Variants in KIAA0825 observed in about 807,000 individuals in gnomAD.
KIAA0825 encodes KIAA0825, also known as uncharacterized protein KIAA0825.
Under a neutral mutation model 147.6 loss-of-function variants are expected in KIAA0825, and 119 were observed. That is an observed-to-expected ratio of 0.81 (90% confidence interval 0.69 to 0.94). KIAA0825 has a LOEUF of 0.94. KIAA0825 is among the 40% of genes least tolerant of loss of function. The pLI, the probability that KIAA0825 is intolerant of heterozygous loss-of-function variation, is 0.00. For synonymous variants in KIAA0825, 470 were observed against 518.1 expected (o/e 0.91, Z 1.26); for missense variants, 1,381 against 1,472.7 (o/e 0.94, Z 1.02).
intron 6 of KIAA0825, among the ~76,000 whole-genome samples, chr5:94,478,211 T>A (rs1174211518): frequency 1.3e-5 from 2 of 152,234 alleles, no homozygotes; most frequent in African/African-American, 2.4e-5. Flanking sequence ...TTTGTTCTGA[T>A]GTTAATTTCA....
At chr5:94,371,446 T>C (rs1746694961) in intron 20 of KIAA0825, among the ~76,000 whole-genome samples, 1 of 152,202 alleles carries the variant, frequency 6.6e-6, no homozygotes, top group South Asian at 2.1e-4. Context: ...CTCACTGTTC[T>C]GCAGGGCTGG....
chr5:94,577,379 T>G (rs1160082491), intron 2 of KIAA0825, among the ~76,000 whole-genome samples: 1 of 152,146 alleles, frequency 6.6e-6, no homozygotes, highest in Non-Finnish European at 1.5e-5. Flanking sequence ...GTTGCAAAAA[T>G]GAATGTGAAG....
chr5:94,220,362 A>ATT (rs544030847), intron 20 of KIAA0825, among the ~76,000 whole-genome samples: 2 of 149,772 alleles, frequency 1.3e-5, no homozygotes, highest in Non-Finnish European at 3.0e-5. Context: ...TACAGTTAAC[A>ATT]TTTTTTTTTT....
chr5:94,477,140 G>C lies in KIAA0825; in HGVS notation c.1198C>G (p.Pro400Ala). The C allele has an allele frequency of 6.5e-7, 1 of 1,550,362 alleles. No homozygotes were observed. Among genetic ancestry groups the C allele is most frequent in the Non-Finnish European group, 8.7e-7 (1 of 1,146,612 alleles). The change falls in exon 7 of 21, where the codon CCT (proline) becomes GCT (alanine). Residue 400 changes from proline (P) to alanine (A), a missense_variant. By Grantham distance (27) the Pro-to-Ala change is conservative (BLOSUM62 -1). Coordinates refer to ENST00000682413, the MANE Select transcript of KIAA0825 (RefSeq NM_001145678.3). ...TTTCCTGGTAGTGATTGCTCGGAAG[G>C]AATATTGGTTTCGTTTGCTCTAGGT... ...EKPRANETNI[P>A]SEQSLPGKEA...
At chr5:94,489,031 C>T (rs1362752) in intron 5 of KIAA0825, among the ~76,000 whole-genome samples, 152,191 of 152,348 alleles carry the variant, frequency 1, 76,018 homozygotes, top group Middle Eastern at 1. Context: ...ATCTGCCTTA[C>T]AGATTTTCCT....
chr5:94,569,233 T>C (rs1346611215), intron 2 of KIAA0825: 1 of 238,872 alleles, frequency 4.2e-6, no homozygotes, highest in African/African-American at 2.3e-5. Context: ...TGCCTCAGGA[T>C]ACTCCTCAAT....
At chr5:94,367,517 G>C (rs552196972) in intron 20 of KIAA0825, among the ~76,000 whole-genome samples, 1 of 152,142 alleles carries the variant, frequency 6.6e-6, no homozygotes, top group African/African-American at 2.4e-5. Context: ...AATAGAAATA[G>C]GGATAAGAAA....
chr5:94,503,065 C>CA lies in KIAA0825; in HGVS notation c.970+17182dup, dbSNP rs34563969. Among the ~76,000 whole-genome samples, 208 of 142,282 alleles carry CA rather than the reference C, an allele frequency of 1.5e-3. 1 individual carries two copies. Among genetic ancestry groups the CA allele is most frequent in the African/African-American group, 4.4e-3 (169 of 38,744 alleles). The allele number at this position is 142,282 out of a possible 152,430, so 93.3% of individuals were successfully genotyped here. A position where few individuals can be genotyped will look rare whatever the true frequency, so the allele number is the denominator to read the frequency against. Reference sequence around the variant, plus strand: ...CAGAGGTTGCAGTGAGACTCCATCTCAAAAAAAAATATATATATATATGAT... The same window carrying CA: ...CAGAGGTTGCAGTGAGACTCCATCTCAAAAAAAAAATATATATATATATGAT... On this transcript the variant is annotated intron_variant, in intron 5 of 20. Transcript: ENST00000682413.
chr5:94,445,896 C>G (rs965946937), intron 13 of KIAA0825, among the ~76,000 whole-genome samples: 1 of 152,194 alleles, frequency 6.6e-6, no homozygotes, highest in Non-Finnish European at 1.5e-5. Context: ...TCTCTCATTA[C>G]TTCTCCACTG....
At chr5:94,287,797 T>G (rs1287598769) in intron 20 of KIAA0825, among the ~76,000 whole-genome samples, 1 of 152,200 alleles carries the variant, frequency 6.6e-6, no homozygotes, top group East Asian at 1.9e-4. Context: ...TGATGAATTT[T>G]TAAGTGATCT....
chr5:94,617,558 C>G (rs1251273224), intron 1 of KIAA0825, among the ~76,000 whole-genome samples: 2 of 152,094 alleles, frequency 1.3e-5, no homozygotes, highest in African/African-American at 2.4e-5. Flanking sequence ...GTACCTACAA[C>G]TCTTTCGGGA....
intron 5 of KIAA0825, among the ~76,000 whole-genome samples, chr5:94,502,259 TGAGAA>T (rs1471848957): frequency 1.3e-5 from 2 of 152,166 alleles, no homozygotes; most frequent in East Asian, 3.8e-4. Flanking sequence ...ATAATGCTTT[TGAGAA>T]GAAAAATTAA....
At chr5:94,427,024 A>G (rs1053844753) in intron 14 of KIAA0825, among the ~76,000 whole-genome samples, 2 of 152,186 alleles carry the variant, frequency 1.3e-5, no homozygotes, top group South Asian at 4.1e-4. Flanking sequence ...ATGGTATACA[A>G]GGCCTAAAAT....
chr5:94,580,749 G>A (rs867794923), intron 2 of KIAA0825, among the ~76,000 whole-genome samples: 12 of 99,980 alleles, frequency 1.2e-4, no homozygotes, highest in Admixed American at 1.9e-4. Flanking sequence ...AGTGGCGGGC[G>A]CCTGTAGTCC....
At chr5:94,189,075 C>T (rs2149996258) in intron 20 of KIAA0825, among the ~76,000 whole-genome samples, 1 of 152,222 alleles carries the variant, frequency 6.6e-6, no homozygotes, top group Admixed American at 6.5e-5. Context: ...TGTATATTAT[C>T]TTTTGAAAAG....
At chr5:94,561,639 C>G (rs1418874502) in intron 2 of KIAA0825, among the ~76,000 whole-genome samples, 4 of 152,188 alleles carry the variant, frequency 2.6e-5, no homozygotes, top group African/African-American at 4.8e-5. Context: ...CTGATCATTT[C>G]ACTACTCTGC....
chr5:94,296,243 G>C (rs1778129350), intron 20 of KIAA0825, among the ~76,000 whole-genome samples: 1 of 152,096 alleles, frequency 6.6e-6, no homozygotes, highest in Admixed American at 6.6e-5. Flanking sequence ...AGTAATGGCT[G>C]ACACCCCTCC....
intron 8 of KIAA0825, among the ~76,000 whole-genome samples, chr5:94,473,019 T>A (rs148231685): frequency 0.011 from 1,724 of 152,232 alleles, 13 homozygotes; most frequent in Non-Finnish European, 0.019. Context: ...TCAAAACAGG[T>A]GGTTTTCCCA....
Position 94,484,802 on chromosome 5 carries a change from G to C in KIAA0825, c.1099C>G (p.Leu367Val), listed in dbSNP as rs1472852298. Reference sequence around the variant, plus strand: ...TCCCTGGTTATCTTGAGTGATAAAAGTATTTCGTCAAACAATTCTTGAACA... The same window carrying C: ...TCCCTGGTTATCTTGAGTGATAAAACTATTTCGTCAAACAATTCTTGAACA... ...KGVQELFDEI[L>V]LSLKITRDTS... is the part of the protein sequence containing the mutation. Residue 367 changes from leucine (L) to valine (V), a missense_variant, in exon 6 of 21, where the codon CTT becomes GTT. Coordinates refer to ENST00000682413, the MANE Select transcript of KIAA0825 (RefSeq NM_001145678.3). 11 of 1,507,458 alleles carry C rather than the reference G, an allele frequency of 7.3e-6. No individual in the cohort carries two copies. The highest frequency in any genetic ancestry group is 1.3e-5 in the South Asian group (1 of 77,826). The allele number at this position is 1,507,458 out of a possible 1,614,324, so 93.4% of individuals were successfully genotyped here.
Sources: gnomAD v4.1 joint callset for allele counts (sites outside exome capture counted in the v4.1 genomes callset) on GRCh38, gnomAD v4.1.1 for gene constraint, MANE v1.5 for transcripts, NCBI Gene and HGNC (gene_info 2026-07-23, HGNC 2026-07-21) for gene names.